Variants in FAM210A observed in about 807,000 individuals in gnomAD.
FAM210A encodes the protein family with sequence similarity 210 member A.
FAM210A carries 13 observed loss-of-function variants against 25.3 expected under a neutral mutation model. The ratio of observed to expected loss-of-function variants is 0.51; its 90% CI spans 0.33 to 0.82. The LOEUF (loss-of-function observed/expected upper bound fraction) is 0.82, where lower values mean the gene tolerates loss of function less well. FAM210A is among the 40% of genes least tolerant of loss of function. FAM210A has a pLI of 0.02. For synonymous variants in FAM210A, 125 were observed against 118.7 expected, an observed-to-expected ratio of 1.05 and a Z score of -0.35; for missense variants, 319 against 323.2, an observed-to-expected ratio of 0.99 and a Z score of 0.10.
In FAM210A at chr18:13,666,632, A is replaced by C; in HGVS notation, c.667T>G (p.Ser223Ala). Reference sequence around the variant, plus strand: ...TACTCCTTGACGGGTGGCGGCGTGGACATGTAGCCATGACTGCGCAGATAC... The same window carrying C: ...TACTCCTTGACGGGTGGCGGCGTGGCCATGTAGCCATGACTGCGCAGATAC... ...VKYLRSHGYM[S>A]TPPPVKEYLQ... The change falls in exon 4 of 4, where the codon TCC becomes GCC. Residue 223 changes from serine (S) to alanine (A), a missense_variant. Physicochemically the swap from Ser to Ala is moderately conservative, Grantham distance 99. Coordinates refer to ENST00000651643, the MANE Select transcript of FAM210A (RefSeq NM_152352.4). 2 of 1,614,140 alleles carry C rather than the reference A, an allele frequency of 1.2e-6. No individual in the cohort carries two copies. Among genetic ancestry groups the C allele is most frequent in the Non-Finnish European group, 1.7e-6 (2 of 1,180,020 alleles).
intron 1 of FAM210A, among the ~76,000 whole-genome samples, chr18:13,688,738 C>T (rs145105012): frequency 3.3e-5 from 5 of 152,360 alleles, no homozygotes; most frequent in East Asian, 1.9e-4. Context: ...CTGTAGATGG[C>T]GGAGCTAAGG....
At chr18:13,698,565 C>T (rs552853047) in intron 1 of FAM210A, among the ~76,000 whole-genome samples, 1 of 152,078 alleles carries the variant, frequency 6.6e-6, no homozygotes, top group East Asian at 1.9e-4. Flanking sequence ...TGTAAGCCCC[C>T]CCGCCATTTT....
At chr18:13,714,852 G>A (rs2043847722) in intron 1 of FAM210A, among the ~76,000 whole-genome samples, 1 of 152,044 alleles carries the variant, frequency 6.6e-6, no homozygotes, top group Admixed American at 6.6e-5. Flanking sequence ...TAATTGATTT[G>A]GTTATTCTCT....
chr18:13,699,740 A>G (rs887537133), intron 1 of FAM210A, among the ~76,000 whole-genome samples: 1 of 152,146 alleles, frequency 6.6e-6, no homozygotes, highest in African/African-American at 2.4e-5. Context: ...TTATCCTTTT[A>G]TCGCGTGGTA....
chr18:13,700,242 T>C (rs548394061), intron 1 of FAM210A, among the ~76,000 whole-genome samples: 10 of 152,340 alleles, frequency 6.6e-5, no homozygotes, highest in Admixed American at 3.9e-4. Context: ...ATTAATTTGA[T>C]AACCCTTCCA....
At chr18:13,679,841 G>T (rs980153567) in intron 2 of FAM210A, among the ~76,000 whole-genome samples, 1 of 152,312 alleles carries the variant, frequency 6.6e-6, no homozygotes, top group East Asian at 1.9e-4. Flanking sequence ...AGCTGCTTCA[G>T]ATGCCCACAG....
intron 1 of FAM210A, among the ~76,000 whole-genome samples, chr18:13,696,549 C>T (rs2043695436): frequency 2.0e-5 from 3 of 152,132 alleles, no homozygotes; most frequent in African/African-American, 7.2e-5. Context: ...AAAGACGGTG[C>T]CATAAGATAA....
intron 3 of FAM210A, among the ~76,000 whole-genome samples, chr18:13,671,333 C>A (rs894973975): frequency 2.0e-5 from 3 of 151,990 alleles, no homozygotes; most frequent in Admixed American, 6.6e-5. Flanking sequence ...ATTTTGCTAA[C>A]AAATCAGGTG....
At chr18:13,721,051 T>C (rs1210893008) in intron 1 of FAM210A, among the ~76,000 whole-genome samples, 1 of 152,178 alleles carries the variant, frequency 6.6e-6, no homozygotes, top group Non-Finnish European at 1.5e-5. Context: ...CATTTTTAAC[T>C]ACCCTATTCC....
At chr18:13,697,336 C>G (rs958873558) in intron 1 of FAM210A, among the ~76,000 whole-genome samples, 3 of 152,092 alleles carry the variant, frequency 2.0e-5, no homozygotes, top group Admixed American at 6.5e-5. Context: ...ATGTTCAATG[C>G]CGCATCATTA....
chr18:13,679,423 T>A (rs2043531281), intron 2 of FAM210A, among the ~76,000 whole-genome samples: 1 of 152,246 alleles, frequency 6.6e-6, no homozygotes. Flanking sequence ...CATCCTACAG[T>A]GAAAATATTC....
intron 1 of FAM210A, among the ~76,000 whole-genome samples, chr18:13,701,635 C>G (rs1173000047): frequency 6.6e-6 from 1 of 152,164 alleles, no homozygotes; most frequent in African/African-American, 2.4e-5. Flanking sequence ...CCAGCTTATA[C>G]ATTAGGCAGA....
chr18:13,682,668 A>G (rs2043565625), intron 1 of FAM210A, among the ~76,000 whole-genome samples: 1 of 152,184 alleles, frequency 6.6e-6, no homozygotes, highest in Non-Finnish European at 1.5e-5. Context: ...CAGGAGTTCG[A>G]GACCAGCCTG....
chr18:13,706,123 G>A (rs1305450389), intron 1 of FAM210A, among the ~76,000 whole-genome samples: 1 of 152,066 alleles, frequency 6.6e-6, no homozygotes, highest in Non-Finnish European at 1.5e-5. Context: ...TTGTATTTTG[G>A]CTTCATAATC....
intron 1 of FAM210A, among the ~76,000 whole-genome samples, chr18:13,690,513 C>T (rs551186607): frequency 4.6e-5 from 7 of 152,276 alleles, no homozygotes; most frequent in African/African-American, 1.4e-4. Context: ...CAGTAGGGGC[C>T]GACTGACACC....
intron 1 of FAM210A, among the ~76,000 whole-genome samples, chr18:13,693,759 C>T (rs1439082935): frequency 4.8e-5 from 3 of 62,142 alleles, no homozygotes; most frequent in African/African-American, 1.1e-4. Flanking sequence ...ATAATAAGAG[C>T]TATTTATGAC....
In FAM210A at chr18:13,681,988, T is replaced by C. The variant is rs1432640331; in HGVS notation, c.90A>G (p.Gln30=). Residue 30 remains glutamine (Q), a synonymous_variant, in exon 2 of 4, where the codon CAA becomes CAG. Transcript: ENST00000651643. The part of the protein sequence containing the change: ...PHNAGLFGHC[Q]NVKGPLLLYN... ...ATAAAAGTAAAGGTCCCTTTACATTTTGACAGTGTCCAAAGAGACCAGCAT... is the reference window on the plus strand; with the variant it reads ...ATAAAAGTAAAGGTCCCTTTACATTCTGACAGTGTCCAAAGAGACCAGCAT... 4.3e-6 allele frequency: 7 copies of C among 1,614,106 alleles called. No homozygotes were observed. Among genetic ancestry groups the C allele is most frequent in the Non-Finnish European group, 5.9e-6 (7 of 1,180,050 alleles).
intron 1 of FAM210A, among the ~76,000 whole-genome samples, chr18:13,725,750 G>GAAATCT (rs886448929): frequency 6.6e-6 from 1 of 152,172 alleles, no homozygotes; most frequent in African/African-American, 2.4e-5. Flanking sequence ...CTCCCCAGTA[G>GAAATCT]AAATCTGGGG....
In FAM210A at chr18:13,677,037, G is replaced by A. The variant is rs184630283; in HGVS notation, c.473+4568C>T. Among the ~76,000 whole-genome samples the A allele has an allele frequency of 1.6e-3, 235 of 151,378 alleles. 1 individual carries two copies. The highest frequency in any genetic ancestry group is 2.6e-3 in the Non-Finnish European group (176 of 67,882). On this transcript the variant is annotated intron_variant, in intron 2 of 3. Coordinates refer to ENST00000651643, the MANE Select transcript of FAM210A (RefSeq NM_152352.4). ...GGCAAGACTCATGTCTCAAAAAACT[G>A]AGCTCCCTGAGTGAGCAATTCCTGT...
Sources: allele counts gnomAD v4.1 joint callset (sites outside exome capture counted in the v4.1 genomes callset), GRCh38; gene constraint gnomAD v4.1.1; transcripts MANE v1.5; gene names NCBI Gene and HGNC (gene_info 2026-07-23, HGNC 2026-07-21).